TET2: variants seen among roughly 807,000 people sequenced by gnomAD.
TET2 encodes methylcytosine dioxygenase TET2.
A neutral mutation model predicts 142.9 loss-of-function variants in TET2; 299 were observed. The ratio of observed to expected loss-of-function variants is 2.09; its 90% CI spans 1.90 to 2.30. The LOEUF is 2.30. Among genes scored for constraint, TET2 ranks in the 30% most tolerant of loss-of-function variants. The pLI, the probability that TET2 is intolerant of heterozygous loss-of-function variation, is 0.00. For missense variants in TET2, 2,418 were observed against 2,378.0 expected (o/e 1.02, Z -0.35); for synonymous variants, 819 against 849.0 (o/e 0.96, Z 0.61).
chr4:105,216,439 G>A (rs182804095), intron 2 of TET2, among the ~76,000 whole-genome samples: 1 of 151,910 alleles, frequency 6.6e-6, no homozygotes, highest in East Asian at 1.9e-4. Flanking sequence ...CTTAACTGGT[G>A]GACTTATTTT....
chr4:105,194,069 G>C (rs1466613392), intron 2 of TET2, among the ~76,000 whole-genome samples: 1 of 152,038 alleles, frequency 6.6e-6, no homozygotes, highest in Admixed American at 6.6e-5. Flanking sequence ...CCTCTAGCTA[G>C]TATCTAACTT....
Position 105,247,902 on chromosome 4 carries a change from A to G in TET2, c.3803+4124A>G, listed in dbSNP as rs1002725244. On this transcript the variant is annotated intron_variant, in intron 6 of 10. Transcript: ENST00000380013. Reference sequence around the variant, plus strand: ...TCATCCTGCTGATTTTTGTACTTTTAGTAGAGACGGGGTTTCGCCATGTTG... The same window carrying G: ...TCATCCTGCTGATTTTTGTACTTTTGGTAGAGACGGGGTTTCGCCATGTTG... Among the ~76,000 whole-genome samples the G allele has an allele frequency of 3.3e-5, 5 of 151,260 alleles. 1 individual carries two copies. Among genetic ancestry groups the G allele is most frequent in the Middle Eastern group, 3.4e-3 (1 of 292 alleles).
chr4:105,146,146 G>A (rs962165273), upstream of TET2: 1 of 152,908 alleles, frequency 6.5e-6, no homozygotes, highest in African/African-American at 2.4e-5. Flanking sequence ...TGGAGGCGGG[G>A]GCCAGAGCGA....
intron 6 of TET2, among the ~76,000 whole-genome samples, chr4:105,244,881 C>T (rs139113024): frequency 1.3e-3 from 193 of 152,284 alleles, no homozygotes; most frequent in African/African-American, 4.5e-3. Flanking sequence ...TGAGCCGCCG[C>T]GCCTGGCCAG....
intron 6 of TET2, among the ~76,000 whole-genome samples, chr4:105,245,250 T>C (rs1183210906): frequency 6.6e-6 from 1 of 152,238 alleles, no homozygotes; most frequent in Non-Finnish European, 1.5e-5. Flanking sequence ...TGACCACTTT[T>C]ACAAATGATT....
At chr4:105,168,397 C>T (rs892802612) in intron 1 of TET2, among the ~76,000 whole-genome samples, 3 of 152,024 alleles carry the variant, frequency 2.0e-5, no homozygotes, top group African/African-American at 7.2e-5. Flanking sequence ...CTTTTTCCTC[C>T]AGGCCTTTGC....
chr4:105,226,228 T>A (rs1728182531), intron 2 of TET2, among the ~76,000 whole-genome samples: 1 of 152,156 alleles, frequency 6.6e-6, no homozygotes, highest in Admixed American at 6.5e-5. Context: ...TTAGGCCTAG[T>A]CCCTGTGGGA....
chr4:105,249,138 A>G (rs1481970550), intron 6 of TET2, among the ~76,000 whole-genome samples: 1 of 151,338 alleles, frequency 6.6e-6, no homozygotes, highest in East Asian at 1.9e-4. Flanking sequence ...AGTGATTCTC[A>G]TGCCTCAGCC....
In TET2 at chr4:105,275,394, T is replaced by A. The variant is rs929076068; in HGVS notation, c.4884T>A (p.Tyr1628Ter). 6.4e-7 allele frequency: 1 copy of A among 1,551,606 alleles called. No homozygotes were observed. The highest frequency in any genetic ancestry group is 8.7e-7 in the Non-Finnish European group (1 of 1,146,970). Residue 1628 changes from tyrosine (Y) to a stop codon, truncating the protein, a stop_gained, in exon 11 of 11, where the codon TAT becomes TAA. Coordinates refer to ENST00000380013, the MANE Select transcript of TET2 (RefSeq NM_001127208.3). LOFTEE classifies it low-confidence loss of function (END_TRUNC). Reference sequence around the variant, plus strand: ...GGCTTTTGAATCAGAATACCCAATATCCATCATATCAATGCAATGGAAACC... The same window carrying A: ...GGCTTTTGAATCAGAATACCCAATAACCATCATATCAATGCAATGGAAACC... ...YPGLLNQNTQ[Y>*]PSYQCNGNLS... is the part of the protein sequence containing the mutation.
In TET2 at chr4:105,234,470, T is replaced by A. The variant is rs531832525; in HGVS notation, c.528T>A (p.Asn176Lys). ...FSTHNCSGPE[N>K]PELQILNEQE... is the part of the protein sequence containing the mutation. ...CACATAACTGCAGTGGGCCTGAAAA[T>A]CCAGAGCTTCAGATTCTGAATGAGC... The change falls in exon 3 of 11, where the codon AAT (asparagine) becomes AAA (lysine). Residue 176 changes from asparagine (N) to lysine (K), a missense_variant. Transcript: ENST00000380013. The A allele has an allele frequency of 1.6e-5, 26 of 1,613,954 alleles. No individual in the cohort carries two copies. In the African/African-American group the frequency reaches 3.2e-4, roughly 20 times the overall value.
rs1187111978 is a variant in TET2 at position 105,260,576 on chromosome 4, C to CACTT, written c.3954+810_3954+813dup. Among the ~76,000 whole-genome samples, 5 of 152,078 alleles carry CACTT rather than the reference C, an allele frequency of 3.3e-5. No individual in the cohort carries two copies. The East Asian group carries it at 9.6e-4, about 29-fold the overall frequency. On this transcript the variant is annotated intron_variant, in intron 7 of 10. Coordinates refer to ENST00000380013, the MANE Select transcript of TET2 (RefSeq NM_001127208.3). ...TGACCACATTTTCAGTCATTCTATA[C>CACTT]ACTTACAATTATCTTTTGAATTTCG...
chr4:105,233,461 G>A (rs1728631754), intron 2 of TET2, among the ~76,000 whole-genome samples: 1 of 151,582 alleles, frequency 6.6e-6, no homozygotes, highest in Non-Finnish European at 1.5e-5. Flanking sequence ...GCTATGAAGT[G>A]GCAGTCAAGA....
chr4:105,242,998 A>G, intron 5 of TET2, 71 bp downstream of exon 5: 1 of 1,267,004 alleles, frequency 7.9e-7, no homozygotes, highest in Non-Finnish European at 1.1e-6. Context: ...GACCCTGAGA[A>G]TTGGGTTACC....
At chr4:105,169,833 G>A (rs990695767) in intron 1 of TET2, among the ~76,000 whole-genome samples, 1 of 152,144 alleles carries the variant, frequency 6.6e-6, no homozygotes, top group African/African-American at 2.4e-5. Flanking sequence ...TTGTTGAATA[G>A]GGTGTCCTTT....
At position 105,279,800 on chromosome 4, in the gene TET2, C is replaced by CT. The variant is rs142745619; in HGVS notation, c.*3282dup. 564 of 207,826 alleles carry CT rather than the reference C, an allele frequency of 2.7e-3. 2 individuals are homozygous for CT. The highest frequency in any genetic ancestry group is 0.012 in the African/African-American group (533 of 44,026). 12.9% of individuals were successfully genotyped at this position (207,826 alleles called of 1,614,324 possible). The stretch of plus-strand genomic sequence containing the variant: ...AAAATTTATATTTATTTAATGCACT[C>CT]TAAGTGTTGTCTTCCTGAAGTTTTT... On this transcript the variant is annotated 3_prime_UTR_variant, in exon 11 of 11. Coordinates refer to ENST00000380013, the MANE Select transcript of TET2 (RefSeq NM_001127208.3).
intron 2 of TET2, among the ~76,000 whole-genome samples, chr4:105,224,851 A>G (rs945114157): frequency 1.3e-5 from 2 of 152,018 alleles, no homozygotes; most frequent in African/African-American, 4.8e-5. Flanking sequence ...AGAATTTCTG[A>G]AAAAAATGGT....
intron 1 of TET2, among the ~76,000 whole-genome samples, chr4:105,165,141 G>A (rs1200228874): frequency 2.0e-5 from 3 of 152,120 alleles, no homozygotes; most frequent in African/African-American, 7.2e-5. Context: ...TTGGGAGGCC[G>A]AGGCGGGCAG....
chr4:105,268,512 G>A (rs1462556726), intron 8 of TET2, among the ~76,000 whole-genome samples: 3 of 152,168 alleles, frequency 2.0e-5, no homozygotes, highest in African/African-American at 7.2e-5. Flanking sequence ...ACCCCAGCAG[G>A]TTTTTTGAAA....
chr4:105,157,394 T>G (rs1723621738), intron 1 of TET2, among the ~76,000 whole-genome samples: 1 of 152,196 alleles, frequency 6.6e-6, no homozygotes, highest in Non-Finnish European at 1.5e-5. Context: ...AAACCTTGTT[T>G]TATAGATTTT....
Sources: gnomAD v4.1 joint callset for allele counts (sites outside exome capture counted in the v4.1 genomes callset) on GRCh38, gnomAD v4.1.1 for gene constraint, MANE v1.5 for transcripts, NCBI Gene and HGNC (gene_info 2026-07-23, HGNC 2026-07-21) for gene names.